Variants in MACROD2 observed in about 807,000 individuals in gnomAD.
MACROD2 encodes mono-ADP ribosylhydrolase 2.
MACROD2 carries 36 observed loss-of-function variants against 70.4 expected under a neutral mutation model. The observed-to-expected ratio is 0.51, with a 90% CI of 0.39 to 0.68. MACROD2 has a LOEUF of 0.68. Ranked by LOEUF, MACROD2 falls within the 30% of genes least tolerant of loss-of-function variation. The probability of loss-of-function intolerance (pLI) is 0.00; values close to 1 mark genes in which losing one functional copy is unlikely to be tolerated. For missense variants in MACROD2, 496 were observed against 538.4 expected, an observed-to-expected ratio of 0.92 and a Z score of 0.78; for synonymous variants, 172 against 178.8, an observed-to-expected ratio of 0.96 and a Z score of 0.30.
intron 4 of MACROD2, among the ~76,000 whole-genome samples, chr20:14,517,392 A>G (rs2085113593): frequency 6.6e-6 from 1 of 152,200 alleles, no homozygotes; most frequent in Non-Finnish European, 1.5e-5. Context: ...TTGCAGGTAC[A>G]TGGATGAAGC....
At chr20:14,836,558 A>G (rs975977858) in intron 5 of MACROD2, among the ~76,000 whole-genome samples, 1 of 152,058 alleles carries the variant, frequency 6.6e-6, no homozygotes, top group African/African-American at 2.4e-5. Context: ...TCCAATCTGA[A>G]ATGGCACAGA....
intron 8 of MACROD2, among the ~76,000 whole-genome samples, chr20:15,584,634 C>T (rs957160307): frequency 2.0e-5 from 3 of 152,222 alleles, no homozygotes; most frequent in African/African-American, 4.8e-5. Context: ...TAATGAACAG[C>T]GTCACATCAG....
At chr20:15,021,093 T>C (rs2075166842) in intron 5 of MACROD2, among the ~76,000 whole-genome samples, 2 of 132,764 alleles carry the variant, frequency 1.5e-5, no homozygotes. Flanking sequence ...TATACACGTG[T>C]ATGTGTATAC....
chr20:14,000,661 T>C (rs1411906218), intron 1 of MACROD2, among the ~76,000 whole-genome samples: 1 of 152,232 alleles, frequency 6.6e-6, no homozygotes, highest in South Asian at 2.1e-4. Flanking sequence ...AAGAAGCCAG[T>C]GTCAGTTTAT....
intron 5 of MACROD2, among the ~76,000 whole-genome samples, chr20:14,794,644 T>G (rs1289612556): frequency 6.6e-6 from 1 of 152,156 alleles, no homozygotes; most frequent in Non-Finnish European, 1.5e-5. Context: ...TGCATGTTGT[T>G]GAATAAAGGT....
At chr20:14,344,361 T>TA (rs2122672611) in intron 3 of MACROD2, among the ~76,000 whole-genome samples, 1 of 152,320 alleles carries the variant, frequency 6.6e-6, no homozygotes, top group South Asian at 2.1e-4. Flanking sequence ...TAAAATAAGT[T>TA]AAAAATTAAG....
intron 6 of MACROD2, among the ~76,000 whole-genome samples, chr20:15,327,820 A>G (rs1382646826): frequency 2.0e-5 from 3 of 152,012 alleles, no homozygotes; most frequent in Admixed American, 2.0e-4. Context: ...TATATATTCT[A>G]TCCAGCCCTT....
intron 3 of MACROD2, among the ~76,000 whole-genome samples, chr20:14,246,776 C>T (rs2081971320): frequency 6.6e-6 from 1 of 152,170 alleles, no homozygotes; most frequent in Non-Finnish European, 1.5e-5. Context: ...ACTTCTTTAT[C>T]CTGTTGTAAA....
At chr20:15,875,614 A>G (rs1411124102) in intron 9 of MACROD2, among the ~76,000 whole-genome samples, 1 of 151,954 alleles carries the variant, frequency 6.6e-6, no homozygotes, top group Non-Finnish European at 1.5e-5. Context: ...ACCTGAATGC[A>G]GGAACAAGCA....
In MACROD2 at chr20:16,049,824, C is replaced by G. The variant is rs1279862250; in HGVS notation, c.1301-6C>G. 2.5e-5 allele frequency: 40 copies of G among 1,612,984 alleles called. No homozygotes were observed. Among genetic ancestry groups the G allele is most frequent in the Non-Finnish European group, 3.2e-5 (38 of 1,179,458 alleles). On this transcript the variant is annotated splice_polypyrimidine_tract_variant and splice_region_variant and intron_variant, in intron 17 of 17. Coordinates refer to ENST00000684519, the MANE Select transcript of MACROD2 (RefSeq NM_001351661.2). ...AATCTAACAAATGGCTTCTCTTTGT[C>G]TTCAGCAGGGGCACAAGATGAAGCG...
intron 8 of MACROD2, among the ~76,000 whole-genome samples, chr20:15,829,401 G>A (rs1397159232): frequency 6.6e-6 from 1 of 152,160 alleles, no homozygotes; most frequent in Non-Finnish European, 1.5e-5. Context: ...TACAAACTAA[G>A]TAGAATCATT....
At chr20:15,079,255 C>T (rs2075684381) in intron 5 of MACROD2, among the ~76,000 whole-genome samples, 1 of 151,834 alleles carries the variant, frequency 6.6e-6, no homozygotes, top group South Asian at 2.1e-4. Flanking sequence ...GCATTTTTTC[C>T]CCCATGACTA....
At chr20:14,913,242 G>T (rs1433787277) in intron 5 of MACROD2, among the ~76,000 whole-genome samples, 1 of 152,114 alleles carries the variant, frequency 6.6e-6, no homozygotes, top group Admixed American at 6.5e-5. Context: ...TTATTTACCT[G>T]CCATGTGTTT....
chr20:14,207,343 G>A (rs886523033), intron 3 of MACROD2, among the ~76,000 whole-genome samples: 4 of 152,148 alleles, frequency 2.6e-5, no homozygotes, highest in South Asian at 2.1e-4. Flanking sequence ...CTCGTGGTCC[G>A]CCCGTCTTGG....
At chr20:15,168,846 A>G (rs1158850544) in intron 5 of MACROD2, among the ~76,000 whole-genome samples, 3 of 152,164 alleles carry the variant, frequency 2.0e-5, no homozygotes, top group Non-Finnish European at 4.4e-5. Context: ...AAATTCTGAT[A>G]TATGCTAGAA....
intron 5 of MACROD2, among the ~76,000 whole-genome samples, chr20:15,080,156 A>G (rs2075692370): frequency 6.7e-6 from 1 of 148,218 alleles, no homozygotes; most frequent in Admixed American, 6.7e-5. Flanking sequence ...ATAAATAAAT[A>G]AATAACATCC....
At chr20:16,018,388 C>A (rs775104) in intron 15 of MACROD2, among the ~76,000 whole-genome samples, 1 of 151,866 alleles carries the variant, frequency 6.6e-6, no homozygotes, top group Admixed American at 6.6e-5. Flanking sequence ...GTAAGTCATC[C>A]TTTTGACTAC....
At chr20:15,108,234 A>T (rs1345557115) in intron 5 of MACROD2, among the ~76,000 whole-genome samples, 1 of 152,158 alleles carries the variant, frequency 6.6e-6, no homozygotes. Flanking sequence ...TAAAGATTGT[A>T]TGTAGTACAG....
chr20:15,946,878 T>A (rs2065830860), intron 12 of MACROD2, among the ~76,000 whole-genome samples: 1 of 152,086 alleles, frequency 6.6e-6, no homozygotes, highest in South Asian at 2.1e-4. Flanking sequence ...GCAAGAGGAA[T>A]GCGGCAGGAG....
Sources: allele counts gnomAD v4.1 joint callset (sites outside exome capture counted in the v4.1 genomes callset), GRCh38; gene constraint gnomAD v4.1.1; transcripts MANE v1.5; gene names NCBI Gene and HGNC (gene_info 2026-07-23, HGNC 2026-07-21).